The following SPATA31D1 variants were observed in gnomAD, a reference collection of about 807,000 sequenced individuals.
SPATA31D1 encodes the protein spermatogenesis-associated protein 31D1.
SPATA31D1 carries 6 observed loss-of-function variants against 13.2 expected under a neutral mutation model. The observed-to-expected ratio is 0.46, with a 90% CI of 0.25 to 0.90. The LOEUF (loss-of-function observed/expected upper bound fraction) is 0.90. Ranked by LOEUF, SPATA31D1 falls within the 40% of genes least tolerant of loss-of-function variation. SPATA31D1 has a pLI of 0.18. For missense variants in SPATA31D1, 2,445 were observed against 1,884.7 expected, an observed-to-expected ratio of 1.30 and a Z score of -5.50; for synonymous variants, 903 against 718.8, an observed-to-expected ratio of 1.26 and a Z score of -4.10.
intron 2 of SPATA31D1, chr9:81,990,152 C>T (rs1170096565): frequency 1.9e-6 from 1 of 525,502 alleles, no homozygotes; most frequent in Non-Finnish European, 3.4e-6. Context: ...TTGACTTCCT[C>T]AATGCTCGGA....
At position 81,993,466 on chromosome 9, in the gene SPATA31D1, G is replaced by A. The variant is rs769866470; in HGVS notation, c.2996G>A (p.Gly999Glu). The change falls in exon 4 of 4, where the codon GGG becomes GAG. Residue 999 changes from glycine (G) to glutamate (E), a missense_variant. Transcript: ENST00000344803. ...TCACCTGTCGTCCAAGAAGGGCAGG[G>A]GACCCTGAGAAGACAATTTTCTGAT... The part of the protein sequence containing the change: ...VSSPVVQEGQ[G>E]TLRRQFSDTD... The A allele has an allele frequency of 2.5e-6, 4 of 1,613,782 alleles. No homozygotes were observed. The Admixed American group carries it at 6.7e-5, about 27-fold the overall frequency.
At chr9:81,989,196 A>G (rs1277947002) in intron 1 of SPATA31D1, among the ~76,000 whole-genome samples, 192 bp downstream of exon 1, 1 of 152,218 alleles carries the variant, frequency 6.6e-6, no homozygotes, top group African/African-American at 2.4e-5. Flanking sequence ...TAAGGTTTCC[A>G]TCTGAAGCTC....
chr9:81,992,431 C>G lies in SPATA31D1; in HGVS notation c.1961C>G (p.Ala654Gly), dbSNP rs141219530. 3.4e-3 allele frequency: 5,423 copies of G among 1,613,002 alleles called. 16 individuals carry two copies. The highest frequency in any genetic ancestry group is 4.2e-3 in the Non-Finnish European group (4,937 of 1,179,728). The change falls in exon 4 of 4, where the codon GCT (alanine) becomes GGT (glycine). Residue 654 changes from alanine (A) to glycine (G), a missense_variant. By Grantham distance (60) the Ala-to-Gly change is moderately conservative. Transcript: ENST00000344803. ...QKSQEDFCPP[A>G]PNPELVRKSF... ...TCCCAGGAAGACTTTTGTCCTCCAG[C>G]TCCCAATCCTGAATTGGTCAGAAAG...
Position 81,992,836 on chromosome 9 carries a change from C to T in SPATA31D1, c.2366C>T (p.Pro789Leu), listed in dbSNP as rs773945588. The change falls in exon 4 of 4, where the codon CCG becomes CTG. Residue 789 changes from proline (P) to leucine (L), a missense_variant. Transcript: ENST00000344803. ...TVPKDHLLHG[P>L]ETSSDKDLRS... ...CCAAAAGATCACCTGTTGCATGGTC[C>T]GGAGACTTCTTCAGACAAGGATCTG... 29 of 1,613,624 alleles carry T rather than the reference C, an allele frequency of 1.8e-5. No individual in the cohort carries two copies. The highest frequency in any genetic ancestry group is 1.6e-4 in the Middle Eastern group (1 of 6,078).
chr9:81,994,060 C>G lies in SPATA31D1; in HGVS notation c.3590C>G (p.Ser1197Ter). 1.9e-6 allele frequency: 3 copies of G among 1,613,834 alleles called. No homozygotes were observed. Among genetic ancestry groups the G allele is most frequent in the Admixed American group, 3.3e-5 (2 of 60,016 alleles). ...PRISVPQDPK[S>*]SYLKNQMLSQ... is the part of the protein sequence containing the mutation. Reference sequence around the variant, plus strand: ...ATATCAGTTCCTCAAGATCCTAAATCATCATACCTTAAAAATCAGATGTTG... The same window carrying G: ...ATATCAGTTCCTCAAGATCCTAAATGATCATACCTTAAAAATCAGATGTTG... Residue 1197 changes from serine (S) to a stop codon, truncating the protein, a stop_gained, in exon 4 of 4, where the codon TCA (serine) becomes TGA (stop). Coordinates refer to ENST00000344803, the MANE Select transcript of SPATA31D1 (RefSeq NM_001001670.3). LOFTEE classifies it low-confidence loss of function (END_TRUNC).
chr9:81,992,582 C>T lies in SPATA31D1; in HGVS notation c.2112C>T (p.Arg704=), dbSNP rs1443510396. Residue 704 remains arginine (R), a synonymous_variant, in exon 4 of 4, where the codon CGC becomes CGT. Transcript: ENST00000344803. ...RLIQRRWGLP[R]RIHESLSLLR... is the part of the protein sequence containing the mutation. ...TCCAGCGCAGATGGGGCCTGCCCCGCAGAATCCATGAGTCTCTGTCATTGC... is the reference window on the plus strand; with the variant it reads ...TCCAGCGCAGATGGGGCCTGCCCCGTAGAATCCATGAGTCTCTGTCATTGC... The T allele has an allele frequency of 1.9e-6, 3 of 1,612,282 alleles. No homozygotes were observed. The highest frequency in any genetic ancestry group is 1.3e-5 in the African/African-American group (1 of 75,002).
At position 81,990,883 on chromosome 9, in the gene SPATA31D1, C is replaced by G. The variant is rs761350972; in HGVS notation, c.413C>G (p.Ala138Gly). Residue 138 changes from alanine to glycine, a missense_variant, in exon 4 of 4, where the codon GCT becomes GGT. Coordinates refer to ENST00000344803, the MANE Select transcript of SPATA31D1 (RefSeq NM_001001670.3). ...TGTCGGGTGTGTAAGAGAGCAACTG[C>G]TGATATCCAGCAACTGCTGTCTTGG... The part of the protein sequence containing the change: ...PVCRVCKRAT[A>G]DIQQLLSWES... 3 of 1,613,936 alleles carry G rather than the reference C, an allele frequency of 1.9e-6. No homozygotes were observed. The Admixed American group carries it at 5.0e-5, about 27-fold the overall frequency.
At position 81,993,912 on chromosome 9, in the gene SPATA31D1, C is replaced by T. The variant is rs1221653755; in HGVS notation, c.3442C>T (p.Pro1148Ser). ...GCTTCAGGGCAGTAGAAAGACCTTT[C>T]CTGTCACCAATGCTCTTCAATCACA... is the stretch of plus-strand genomic sequence containing the variant. ...DRLQGSRKTF[P>S]VTNALQSQTR... Residue 1148 changes from proline (P) to serine (S), a missense_variant, in exon 4 of 4, where the codon CCT (proline) becomes TCT (serine). By Grantham distance (74) the Pro-to-Ser change is moderately conservative (BLOSUM62 -1). Transcript: ENST00000344803. 14 of 1,613,922 alleles carry T rather than the reference C, an allele frequency of 8.7e-6. No individual in the cohort carries two copies. Among genetic ancestry groups the T allele is most frequent in the Non-Finnish European group, 1.1e-5 (13 of 1,179,848 alleles).
In SPATA31D1 at chr9:81,992,884, T is replaced by G; in HGVS notation, c.2414T>G (p.Leu805Arg). ...KDLRSNSERD[L>R]ETHMMHLSGN... ...CTGAGGTCTAACTCTGAGAGAGACC[T>G]AGAAACTCATATGATGCATCTGTCA... The change falls in exon 4 of 4, where the codon CTA becomes CGA. Residue 805 changes from leucine (L) to arginine (R), a missense_variant. Coordinates refer to ENST00000344803, the MANE Select transcript of SPATA31D1 (RefSeq NM_001001670.3). 1 of 1,613,826 alleles carries G rather than the reference T, an allele frequency of 6.2e-7. No homozygotes were observed. Among genetic ancestry groups the G allele is most frequent in the Non-Finnish European group, 8.5e-7 (1 of 1,179,728 alleles).
At chr9:81,989,862 C>T in intron 2 of SPATA31D1, 39 bp downstream of exon 2, 4 of 1,603,798 alleles carry the variant, frequency 2.5e-6, no homozygotes, top group Non-Finnish European at 3.4e-6. Flanking sequence ...CAGGGGTGAC[C>T]CTTTCTGTCT....
Position 81,994,116 on chromosome 9 carries a change from A to G in SPATA31D1, c.3646A>G (p.Ser1216Gly). ...GTTAAAGTTGGTCCAGAGGAAGCAT[A>G]GCCAACCTCAGAGCCATTTCACTGA... ...SQLKLVQRKHSQPQSHFTDMS... is the reference protein window; with the variant it reads ...SQLKLVQRKHGQPQSHFTDMS... Residue 1216 changes from serine (S) to glycine (G), a missense_variant, in exon 4 of 4, where the codon AGC becomes GGC. Physicochemically the swap from Ser to Gly is moderately conservative, Grantham distance 56. Coordinates refer to ENST00000344803, the MANE Select transcript of SPATA31D1 (RefSeq NM_001001670.3). 1.2e-6 allele frequency: 2 copies of G among 1,613,998 alleles called. No homozygotes were observed. The highest frequency in any genetic ancestry group is 1.7e-6 in the Non-Finnish European group (2 of 1,179,876).
chr9:81,991,422 C>G lies in SPATA31D1; in HGVS notation c.952C>G (p.Leu318Val), dbSNP rs1337596795. The G allele has an allele frequency of 1.2e-6, 2 of 1,613,950 alleles. No homozygotes were observed. The highest frequency in any genetic ancestry group is 1.7e-5 in the Admixed American group (1 of 60,012). ...CACTGTGACTCAGTCTAAATCAAGT[C>G]TCACCATCTTGAAGACTTTTCCGGA... Reference protein sequence around the residue: ...DCTVTQSKSSLTILKTFPEML... With the variant: ...DCTVTQSKSSVTILKTFPEML... The change falls in exon 4 of 4, where the codon CTC (leucine) becomes GTC (valine). Residue 318 changes from leucine (L) to valine (V), a missense_variant. Physicochemically the swap from Leu to Val is conservative, Grantham distance 32 (BLOSUM62 1). Coordinates refer to ENST00000344803, the MANE Select transcript of SPATA31D1 (RefSeq NM_001001670.3).
intron 1 of SPATA31D1, 66 bp downstream of exon 1, chr9:81,989,070 A>G: frequency 6.3e-7 from 1 of 1,575,878 alleles, no homozygotes; most frequent in Non-Finnish European, 8.6e-7. Context: ...CTATTCCAAC[A>G]TTTCTAAATA....
In SPATA31D1 at chr9:81,992,303, C is replaced by A. The variant is rs201473485; in HGVS notation, c.1833C>A (p.Asn611Lys). The change falls in exon 4 of 4, where the codon AAC (asparagine) becomes AAA (lysine). Residue 611 changes from asparagine to lysine, a missense_variant. By Grantham distance (94) the Asn-to-Lys change is moderately conservative (BLOSUM62 0). Transcript: ENST00000344803. ...ICGVCFHRPQ[N>K]EARSLLPSEI... ...GAGTGTGTTTTCATAGACCCCAGAA[C>A]GAGGCACGGTCTCTTTTGCCATCTG... is the stretch of plus-strand genomic sequence containing the variant. 6.2e-7 allele frequency: 1 copy of A among 1,613,786 alleles called. No individual in the cohort carries two copies. The highest frequency in any genetic ancestry group is 2.2e-5 in the East Asian group (1 of 44,872).
Position 81,989,822 on chromosome 9 carries a change from A to G in SPATA31D1, c.231A>G (p.Lys77=). 1.2e-6 allele frequency: 2 copies of G among 1,613,510 alleles called. No homozygotes were observed. The highest frequency in any genetic ancestry group is 1.7e-4 in the Middle Eastern group (1 of 6,056). Residue 77 remains lysine, a splice_region_variant and synonymous_variant, in exon 2 of 4, where the codon AAA becomes AAG. Transcript: ENST00000344803. Reference sequence around the variant, plus strand: ...GGAGAAGGAAAGGTGGGACATTCAAAGGTAATGTCAGCCTGCTCTATCTGA... The same window carrying G: ...GGAGAAGGAAAGGTGGGACATTCAAGGGTAATGTCAGCCTGCTCTATCTGA... ...AKRRRKGGTF[K]GFPDWKSFQR...
chr9:81,989,348 T>C (rs1824907789), intron 1 of SPATA31D1, among the ~76,000 whole-genome samples: 1 of 152,232 alleles, frequency 6.6e-6, no homozygotes, highest in East Asian at 1.9e-4. Flanking sequence ...TGCTGAAATT[T>C]GATCATGAGT....
intron 2 of SPATA31D1, 50 bp downstream of exon 2, chr9:81,989,873 C>T: frequency 1.3e-6 from 2 of 1,590,002 alleles, no homozygotes; most frequent in Non-Finnish European, 1.7e-6. Context: ...CTTTCTGTCT[C>T]TTTCATGATG....
At chr9:81,988,419 T>G (rs1224727847), upstream of SPATA31D1, among the ~76,000 whole-genome samples, 8 of 152,214 alleles carry the variant, frequency 5.3e-5, no homozygotes, top group South Asian at 4.1e-4. Flanking sequence ...AGAGTGGCAA[T>G]GCCTGGGTAC....
chr9:81,988,665 G>A (rs1824894175), upstream of SPATA31D1: 1 of 1,248,446 alleles, frequency 8.0e-7, no homozygotes, highest in Non-Finnish European at 1.1e-6. Context: ...GGCTGGTGGG[G>A]TTGGGGCTGT....
Sources: gnomAD v4.1 joint callset for allele counts (sites outside exome capture counted in the v4.1 genomes callset) on GRCh38, gnomAD v4.1.1 for gene constraint, MANE v1.5 for transcripts, NCBI Gene and HGNC (gene_info 2026-07-23, HGNC 2026-07-21) for gene names.